The following ARID3B variants were observed in gnomAD, a reference collection of about 807,000 sequenced individuals.
ARID3B encodes the protein AT-rich interaction domain 3B, also known as AT-rich interactive domain-containing protein 3B.
In ARID3B, 10 loss-of-function variants were observed where a neutral mutation model predicts 51.9. The ratio of observed to expected loss-of-function variants is 0.19; its 90% CI spans 0.12 to 0.33. The LOEUF (loss-of-function observed/expected upper bound fraction) is 0.33, where lower values mean the gene tolerates loss of function less well. Ranked by LOEUF, ARID3B falls within the 10% of genes least tolerant of loss-of-function variation. The pLI is 1.00. For synonymous variants in ARID3B, 205 were observed against 279.5 expected (o/e 0.73, Z 2.66); for missense variants, 483 against 716.3 (o/e 0.67, Z 3.72).
In ARID3B at chr15:74,598,055, C is replaced by A. The variant is rs2061835665; in HGVS notation, c.*2281C>A. On this transcript the variant is annotated 3_prime_UTR_variant, in exon 9 of 9. Transcript: ENST00000346246. Reference sequence around the variant, plus strand: ...TCAGATGTCCTCCTGCAGCAAGTGTCTATATGTTGTGGTTATTTTCTATCT... The same window carrying A: ...TCAGATGTCCTCCTGCAGCAAGTGTATATATGTTGTGGTTATTTTCTATCT... 1.9e-6 allele frequency: 1 copy of A among 527,370 alleles called. No individual in the cohort carries two copies. Among genetic ancestry groups the A allele is most frequent in the Middle Eastern group, 2.8e-4 (1 of 3,516 alleles). 32.7% of individuals were successfully genotyped at this position (527,370 alleles called of 1,614,324 possible).
chr15:74,580,736 G>C (rs1223318646), intron 4 of ARID3B, among the ~76,000 whole-genome samples: 1 of 152,198 alleles, frequency 6.6e-6, no homozygotes, highest in Non-Finnish European at 1.5e-5. Context: ...TTATCTTTGA[G>C]AAACTTGTTC....
intron 4 of ARID3B, chr15:74,574,753 C>G (rs1196329541): frequency 1.3e-5 from 2 of 152,124 alleles, no homozygotes; most frequent in Non-Finnish European, 2.9e-5. Context: ...GCCTGTAATC[C>G]CAGCACTTTG....
chr15:74,552,056 CTTTTTTTTTT>C (rs869096001), intron 2 of ARID3B, among the ~76,000 whole-genome samples: 3 of 102,630 alleles, frequency 2.9e-5, no homozygotes, highest in African/African-American at 8.1e-5. Flanking sequence ...TCTTTCTTTC[CTTTTTTTTTT>C]TTTTTTTTTT....
intron 2 of ARID3B, among the ~76,000 whole-genome samples, chr15:74,568,086 C>A (rs562787548): frequency 6.6e-6 from 1 of 152,238 alleles, no homozygotes; most frequent in Admixed American, 6.5e-5. Context: ...CTGGAATGGT[C>A]TATTTTGGAG....
At chr15:74,551,187 T>C (rs1257510083) in intron 2 of ARID3B, among the ~76,000 whole-genome samples, 1 of 152,228 alleles carries the variant, frequency 6.6e-6, no homozygotes, top group African/African-American at 2.4e-5. Context: ...GGGTCAATCA[T>C]AATTTTTCAG....
In ARID3B at chr15:74,544,426, G is replaced by C; in HGVS notation, c.490G>C (p.Ala164Pro). Residue 164 changes from alanine to proline, a missense_variant, in exon 2 of 9, where the codon GCC (alanine) becomes CCC (proline). Transcript: ENST00000346246. ...AGACCATACCAAAGATGCTTCCAAGGCCTCACCTTCTGTCTCCACAGCAGG... is the reference window on the plus strand; with the variant it reads ...AGACCATACCAAAGATGCTTCCAAGCCCTCACCTTCTGTCTCCACAGCAGG... ...KEDHTKDASK[A>P]SPSVSTAGQP... The C allele has an allele frequency of 6.2e-7, 1 of 1,614,164 alleles. No individual in the cohort carries two copies. The highest frequency in any genetic ancestry group is 8.5e-7 in the Non-Finnish European group (1 of 1,180,028).
rs951716917 is a variant in ARID3B, at chr15:74,592,767, A to G, written c.1421-371A>G. ...GGAAAGAAAGGGCAGGTGGGTCCTC[A>G]AAGTTGGGGCTGGGTCTCATTGATC... On this transcript the variant is annotated intron_variant, in intron 7 of 8. Coordinates refer to ENST00000346246, the MANE Select transcript of ARID3B (RefSeq NM_006465.4). Among the ~76,000 whole-genome samples the G allele has an allele frequency of 9.9e-5, 15 of 152,174 alleles. 1 individual carries two copies. Among genetic ancestry groups the G allele is most frequent in the Admixed American group, 9.2e-4 (14 of 15,278 alleles).
chr15:74,544,534 A>AGAGAG (rs1326158965), intron 2 of ARID3B, 46 bp downstream of exon 2: 3 of 1,575,714 alleles, frequency 1.9e-6, no homozygotes, highest in African/African-American at 2.7e-5. Context: ...CCTGAAGGCC[A>AGAGAG]GAGAGGGGTC....
chr15:74,573,358 C>T (rs1008149174), intron 4 of ARID3B, 154 bp downstream of exon 4: 8 of 773,088 alleles, frequency 1.0e-5, no homozygotes, highest in African/African-American at 1.7e-5. Flanking sequence ...GCCAATTAAC[C>T]GATAGCCAGA....
chr15:74,569,521 A>C (rs1429275841), intron 2 of ARID3B, among the ~76,000 whole-genome samples: 2 of 152,210 alleles, frequency 1.3e-5, no homozygotes, highest in African/African-American at 4.8e-5. Flanking sequence ...TAAGAGGCAG[A>C]GGTCGCAGTG....
At chr15:74,543,805 C>CTTAA in intron 1 of ARID3B, 55 bp from the exon 2 acceptor site, 1 of 1,232,382 alleles carries the variant, frequency 8.1e-7, no homozygotes, top group Non-Finnish European at 1.1e-6. Context: ...TTTATACCTG[C>CTTAA]TTAACATGGT....
chr15:74,574,461 C>G (rs1370936511), intron 4 of ARID3B: 1 of 152,230 alleles, frequency 6.6e-6, no homozygotes. Flanking sequence ...CAGCCCCCAG[C>G]AGCTAAATAT....
chr15:74,552,043 TTTTC>T (rs2061639247), intron 2 of ARID3B, among the ~76,000 whole-genome samples: 1 of 149,674 alleles, frequency 6.7e-6, no homozygotes, highest in Admixed American at 6.8e-5. Context: ...TCCTTTTCTT[TTTTC>T]TTTCTTTCCT....
At chr15:74,555,848 G>A (rs2061655578) in intron 2 of ARID3B, among the ~76,000 whole-genome samples, 1 of 136,750 alleles carries the variant, frequency 7.3e-6, no homozygotes, top group Non-Finnish European at 1.5e-5. Context: ...CTGGAGTGCA[G>A]TGGCACAATC....
At chr15:74,589,612 A>C (rs1300609095) in intron 4 of ARID3B, among the ~76,000 whole-genome samples, 1 of 152,246 alleles carries the variant, frequency 6.6e-6, no homozygotes, top group African/African-American at 2.4e-5. Context: ...AGAGAGGCTA[A>C]GTGCTTTGCC....
intron 2 of ARID3B, among the ~76,000 whole-genome samples, chr15:74,551,216 A>G (rs781464614): frequency 2.6e-5 from 4 of 152,200 alleles, no homozygotes; most frequent in Non-Finnish European, 5.9e-5. Context: ...ACCTTTGTAG[A>G]TAAGATGCTC....
intron 4 of ARID3B, among the ~76,000 whole-genome samples, chr15:74,578,178 TG>T (rs200974637): frequency 3.6e-5 from 5 of 137,980 alleles, no homozygotes; most frequent in East Asian, 2.1e-4. Context: ...TGTTTTTTTT[TG>T]TTTTTTTTGT....
At chr15:74,565,721 CGTT>C (rs1446364108) in intron 2 of ARID3B, among the ~76,000 whole-genome samples, 2 of 150,974 alleles carry the variant, frequency 1.3e-5, no homozygotes, top group African/African-American at 4.9e-5. Context: ...AGCATGGTCT[CGTT>C]GTTTTTTTTG....
chr15:74,582,268 C>T (rs1430354112), intron 4 of ARID3B, among the ~76,000 whole-genome samples: 2 of 151,854 alleles, frequency 1.3e-5, no homozygotes, highest in African/African-American at 2.4e-5. Context: ...CCCGGGTTCA[C>T]GCCATTCTCC....
Sources: gnomAD v4.1 joint callset for allele counts (sites outside exome capture counted in the v4.1 genomes callset) on GRCh38, gnomAD v4.1.1 for gene constraint, MANE v1.5 for transcripts, NCBI Gene and HGNC (gene_info 2026-07-23, HGNC 2026-07-21) for gene names.